MEMO1: variants seen among roughly 807,000 people sequenced by gnomAD.
MEMO1 encodes mediator of cell motility 1.
A neutral mutation model predicts 45.2 loss-of-function variants in MEMO1; 6 were observed. The observed-to-expected ratio is 0.13, with a 90% CI of 0.07 to 0.26. The LOEUF is 0.26. Among genes scored for constraint, MEMO1 ranks in the 10% least tolerant of loss-of-function variants. The pLI, the probability that MEMO1 is intolerant of heterozygous loss-of-function variation, is 1.00. For synonymous variants in MEMO1, 78 were observed against 124.3 expected (o/e 0.63, Z 2.48); for missense variants, 184 against 370.5 (o/e 0.50, Z 4.13).
chr2:31,869,766 G>C, intron 9 of MEMO1, 82 bp downstream of exon 9: 1 of 1,420,948 alleles, frequency 7.0e-7, no homozygotes, highest in Non-Finnish European at 9.4e-7. Flanking sequence ...TAAAACCAAT[G>C]ATGCCATTGT....
At chr2:31,896,658 A>G (rs1677862859) in intron 6 of MEMO1, among the ~76,000 whole-genome samples, 1 of 152,218 alleles carries the variant, frequency 6.6e-6, no homozygotes. Context: ...TATACAAGAA[A>G]AAAAGTTGAT....
chr2:31,975,161 A>G (rs145635245), intron 2 of MEMO1, among the ~76,000 whole-genome samples: 116 of 152,286 alleles, frequency 7.6e-4, no homozygotes, highest in African/African-American at 2.7e-3. Flanking sequence ...GACAAGAACA[A>G]AACTCCATCT....
At chr2:31,923,508 C>G (rs2148192902) in intron 4 of MEMO1, 1 of 1,021,652 alleles carries the variant, frequency 9.8e-7, no homozygotes, top group Non-Finnish European at 1.3e-6. Context: ...AGATAGCACT[C>G]TGGTCACCTA....
chr2:31,999,402 C>T (rs1394258476), intron 2 of MEMO1, among the ~76,000 whole-genome samples: 1 of 152,142 alleles, frequency 6.6e-6, no homozygotes, highest in Non-Finnish European at 1.5e-5. Flanking sequence ...GTGGCTCATA[C>T]CTGTAATCCC....
chr2:31,982,489 C>T (rs1332681020), intron 2 of MEMO1, among the ~76,000 whole-genome samples: 1 of 149,724 alleles, frequency 6.7e-6, no homozygotes, highest in East Asian at 2.0e-4. Flanking sequence ...ACTCGGGAGG[C>T]TGGGGCAGGA....
chr2:31,900,181 T>C (rs1457340672), intron 6 of MEMO1, among the ~76,000 whole-genome samples: 1 of 152,210 alleles, frequency 6.6e-6, no homozygotes, highest in Admixed American at 6.5e-5. Context: ...CATTACTGGG[T>C]ATATACCCAA....
intron 6 of MEMO1, among the ~76,000 whole-genome samples, chr2:31,916,051 T>C (rs549657551): frequency 6.6e-5 from 10 of 152,296 alleles, no homozygotes; most frequent in Admixed American, 5.2e-4. Flanking sequence ...GTAGTTTATT[T>C]GATACTATTT....
chr2:31,941,173 C>T (rs1019742578), intron 3 of MEMO1, among the ~76,000 whole-genome samples: 1 of 152,074 alleles, frequency 6.6e-6, no homozygotes, highest in Non-Finnish European at 1.5e-5. Context: ...CCTCCGCTGC[C>T]TATCTCATCT....
In MEMO1 at chr2:31,969,897, C is replaced by T. The variant is rs375360323; in HGVS notation, c.62-26514G>A. ...AGGCGTGAGCCACTGTGCCTGGCCA[C>T]GGTATTTTCTAAATTTTCTATAACT... On this transcript the variant is annotated intron_variant, in intron 2 of 9. Transcript: ENST00000404530. 3.3e-5 allele frequency among the ~76,000 whole-genome samples: 5 copies of T among 151,902 alleles called. 1 individual carries two copies. The South Asian group carries it at 1.0e-3, about 32-fold the overall frequency.
intron 8 of MEMO1, among the ~76,000 whole-genome samples, chr2:31,875,350 T>G (rs1355264206): frequency 6.6e-6 from 1 of 152,182 alleles, no homozygotes; most frequent in African/African-American, 2.4e-5. Context: ...CCCTTTTTTC[T>G]TTTTTGAGAC....
chr2:31,943,252 G>A, intron 3 of MEMO1, 50 bp downstream of exon 3: 1 of 1,368,924 alleles, frequency 7.3e-7, no homozygotes, highest in Non-Finnish European at 1.0e-6. Context: ...GCGACACAGG[G>A]AGACTCCTTC....
At chr2:32,000,249 G>C (rs1663214523) in intron 2 of MEMO1, among the ~76,000 whole-genome samples, 1 of 147,756 alleles carries the variant, frequency 6.8e-6, no homozygotes, top group Non-Finnish European at 1.5e-5. Context: ...TTTTTTTTGA[G>C]ACGGAGTTTC....
intron 2 of MEMO1, among the ~76,000 whole-genome samples, chr2:31,962,050 G>A (rs956392566): frequency 2.0e-5 from 3 of 152,048 alleles, no homozygotes; most frequent in Admixed American, 6.6e-5. Flanking sequence ...ACTCAATTGC[G>A]TCTGTAATTC....
At chr2:31,963,463 T>C (rs1022283377) in intron 2 of MEMO1, among the ~76,000 whole-genome samples, 4 of 152,108 alleles carry the variant, frequency 2.6e-5, no homozygotes, top group African/African-American at 4.8e-5. Context: ...TTTTGGACAA[T>C]GGTAGGAAAC....
At chr2:31,993,756 T>G (rs900680426) in intron 2 of MEMO1, among the ~76,000 whole-genome samples, 7 of 152,086 alleles carry the variant, frequency 4.6e-5, no homozygotes, top group African/African-American at 1.7e-4. Context: ...TGAGTGGAGA[T>G]ACCTCACTGA....
chr2:31,868,867 T>G (rs556841644), intron 9 of MEMO1, among the ~76,000 whole-genome samples: 1 of 152,290 alleles, frequency 6.6e-6, no homozygotes, highest in African/African-American at 2.4e-5. Context: ...TTGACTAAAT[T>G]TGAAATGTAT....
chr2:31,980,165 C>T (rs1163175839), intron 2 of MEMO1, among the ~76,000 whole-genome samples: 2 of 152,166 alleles, frequency 1.3e-5, no homozygotes, highest in Admixed American at 1.3e-4. Flanking sequence ...GGCATGGTGA[C>T]TCACAACTGT....
At chr2:31,985,554 G>C (rs1253708944) in intron 2 of MEMO1, among the ~76,000 whole-genome samples, 2 of 152,122 alleles carry the variant, frequency 1.3e-5, no homozygotes, top group African/African-American at 4.8e-5. Flanking sequence ...GTGAACTCCT[G>C]ACCTCAAGTG....
At chr2:31,970,004 C>T (rs1055050425) in intron 2 of MEMO1, among the ~76,000 whole-genome samples, 1 of 152,032 alleles carries the variant, frequency 6.6e-6, no homozygotes, top group Non-Finnish European at 1.5e-5. Context: ...CAGAATCTTG[C>T]TCTCTTGCCC....
Sources: allele counts gnomAD v4.1 joint callset (sites outside exome capture counted in the v4.1 genomes callset), GRCh38; gene constraint gnomAD v4.1.1; transcripts MANE v1.5; gene names NCBI Gene and HGNC (gene_info 2026-07-23, HGNC 2026-07-21).